Variants in NAALADL2 observed in about 807,000 individuals in gnomAD.
NAALADL2 encodes the protein inactive N-acetylated-alpha-linked acidic dipeptidase-like protein 2.
In NAALADL2, 76 loss-of-function variants were observed where a neutral mutation model predicts 87.2. That is an observed-to-expected ratio of 0.87 (90% CI 0.72 to 1.05). The LOEUF is 1.05. Among genes scored for constraint, NAALADL2 ranks in the 50% least tolerant of loss-of-function variants. The pLI, the probability that NAALADL2 is intolerant of heterozygous loss-of-function variation, is 0.00. For synonymous variants in NAALADL2, 354 were observed against 331.0 expected, an observed-to-expected ratio of 1.07 and a Z score of -0.75; for missense variants, 1,089 against 945.8, an observed-to-expected ratio of 1.15 and a Z score of -1.99.
chr3:174,770,345 T>G (rs1038399158), intron 3 of NAALADL2, among the ~76,000 whole-genome samples: 1 of 152,170 alleles, frequency 6.6e-6, no homozygotes, highest in Non-Finnish European at 1.5e-5. Flanking sequence ...GATGTTAAAT[T>G]GGTGAGAACA....
chr3:175,581,165 G>C (rs62284484), intron 10 of NAALADL2: 48,596 of 386,580 alleles, frequency 0.13, 3,618 homozygotes, highest in Non-Finnish European at 0.17. Context: ...GAATAGGCCG[G>C]ACGCGGTGGC....
chr3:174,932,300 G>A (rs1427827281), intron 1 of NAALADL2, among the ~76,000 whole-genome samples: 1 of 152,148 alleles, frequency 6.6e-6, no homozygotes, highest in African/African-American at 2.4e-5. Flanking sequence ...TGTATTATAT[G>A]TTCTCACTCT....
chr3:175,788,088 GTTTTTTTT>G (rs1004422588), intron 13 of NAALADL2, among the ~76,000 whole-genome samples: 2 of 104,260 alleles, frequency 1.9e-5, no homozygotes, highest in Admixed American at 1.0e-4. Context: ...TTTTTTACCT[GTTTTTTTT>G]TTTTTTTTTT....
At chr3:175,000,805 C>A (rs769467728) in intron 1 of NAALADL2, among the ~76,000 whole-genome samples, 1 of 152,164 alleles carries the variant, frequency 6.6e-6, no homozygotes, top group African/African-American at 2.4e-5. Context: ...TATATTATAA[C>A]TCACTTAATC....
chr3:175,784,702 C>T (rs1751671182), intron 13 of NAALADL2, among the ~76,000 whole-genome samples: 1 of 119,946 alleles, frequency 8.3e-6, no homozygotes, highest in Non-Finnish European at 1.6e-5. Flanking sequence ...TCTCTATTTC[C>T]TTCAGTTCTG....
intron 3 of NAALADL2, among the ~76,000 whole-genome samples, chr3:174,829,423 T>C (rs1479608052): frequency 4.1e-5 from 6 of 147,438 alleles, no homozygotes; most frequent in Non-Finnish European, 7.4e-5. Flanking sequence ...ATTTCATCCA[T>C]GTCCCTACAA....
rs1368726179 is a variant in NAALADL2, at chr3:175,742,783, G to C, written c.1990+5384G>C. ...GGAAATGTATGTATTTTTATGCTAA[G>C]TTTGATGAAGAGTTCAGAAGTATGA... On this transcript the variant is annotated intron_variant, in intron 12 of 13. Coordinates refer to ENST00000454872, the MANE Select transcript of NAALADL2 (RefSeq NM_207015.3). Among the ~76,000 whole-genome samples, 33 of 152,132 alleles carry C rather than the reference G, an allele frequency of 2.2e-4. 1 individual carries two copies. Among genetic ancestry groups the C allele is most frequent in the Admixed American group, 2.2e-3 (33 of 15,276 alleles).
chr3:175,583,434 A>G (rs1295960835), intron 10 of NAALADL2, among the ~76,000 whole-genome samples: 4 of 151,698 alleles, frequency 2.6e-5, no homozygotes, highest in African/African-American at 9.7e-5. Flanking sequence ...AATCGTGAAT[A>G]TGAAAGAAAA....
intron 2 of NAALADL2, among the ~76,000 whole-genome samples, chr3:174,658,967 C>G (rs1324153989): frequency 6.6e-6 from 1 of 152,140 alleles, no homozygotes; most frequent in Non-Finnish European, 1.5e-5. Context: ...TTGCCTTCCT[C>G]TTGTATTGAT....
intron 2 of NAALADL2, among the ~76,000 whole-genome samples, chr3:175,140,545 T>C (rs1291640240): frequency 1.3e-5 from 2 of 152,060 alleles, no homozygotes; most frequent in East Asian, 1.9e-4. Context: ...TAATTTGGGA[T>C]TAACTAAGCA....
intron 10 of NAALADL2, among the ~76,000 whole-genome samples, chr3:175,603,714 A>G (rs1582586928): frequency 6.6e-6 from 1 of 152,138 alleles, no homozygotes; most frequent in Non-Finnish European, 1.5e-5. Flanking sequence ...TTATCCGGTC[A>G]TTTGTAGATG....
intron 11 of NAALADL2, among the ~76,000 whole-genome samples, chr3:175,679,570 A>T (rs532972906): frequency 6.6e-6 from 1 of 152,320 alleles, no homozygotes; most frequent in African/African-American, 2.4e-5. Context: ...AGCAGAATAT[A>T]GTTGTGTGTG....
At chr3:175,007,970 A>G (rs1399406017) in intron 1 of NAALADL2, among the ~76,000 whole-genome samples, 2 of 152,166 alleles carry the variant, frequency 1.3e-5, no homozygotes, top group Non-Finnish European at 2.9e-5. Context: ...GCGACGGGGT[A>G]GCATATACAA....
chr3:175,711,633 C>T (rs1013845868), intron 11 of NAALADL2, among the ~76,000 whole-genome samples: 1 of 151,824 alleles, frequency 6.6e-6, no homozygotes, highest in South Asian at 2.1e-4. Context: ...AATACATAAC[C>T]TATTTACCTT....
chr3:175,447,495 G>A (rs1720894836), intron 6 of NAALADL2, 123 bp downstream of exon 6: 1 of 626,164 alleles, frequency 1.6e-6, no homozygotes, highest in African/African-American at 1.9e-5. Context: ...TTGATGAAGT[G>A]AGCATTATTT....
chr3:175,093,459 T>C (rs1180345552), intron 1 of NAALADL2, among the ~76,000 whole-genome samples: 1 of 145,442 alleles, frequency 6.9e-6, no homozygotes, highest in Non-Finnish European at 1.5e-5. Flanking sequence ...AACAAAACTA[T>C]CAGGGCAGAG....
chr3:175,298,332 C>T (rs1756632458), intron 4 of NAALADL2, among the ~76,000 whole-genome samples: 1 of 152,136 alleles, frequency 6.6e-6, no homozygotes, highest in Non-Finnish European at 1.5e-5. Context: ...CCTGACCAAA[C>T]ACTTTCATTT....
intron 1 of NAALADL2, among the ~76,000 whole-genome samples, chr3:174,940,306 T>C (rs181865679): frequency 5.9e-5 from 9 of 152,292 alleles, no homozygotes; most frequent in Admixed American, 3.3e-4. Flanking sequence ...ATGTGATGAA[T>C]CACATTTATT....
At chr3:175,624,060 C>A (rs1042283634) in intron 10 of NAALADL2, among the ~76,000 whole-genome samples, 11 of 152,058 alleles carry the variant, frequency 7.2e-5, no homozygotes, top group African/African-American at 2.6e-4. Flanking sequence ...TTTTCCTCTT[C>A]TTTTGCTAGA....
Sources: gnomAD v4.1 joint callset for allele counts (sites outside exome capture counted in the v4.1 genomes callset) on GRCh38, gnomAD v4.1.1 for gene constraint, MANE v1.5 for transcripts, NCBI Gene and HGNC (gene_info 2026-07-23, HGNC 2026-07-21) for gene names.